The following CXCL16 variants were observed in gnomAD, a reference collection of about 807,000 sequenced individuals.
CXCL16 encodes C-X-C motif chemokine ligand 16.
In CXCL16, 18 loss-of-function variants were observed where a neutral mutation model predicts 23.8. That is an observed-to-expected ratio of 0.76 (90% CI 0.52 to 1.12). CXCL16 has a LOEUF of 1.12. Among genes scored for constraint, CXCL16 ranks in the 50% most tolerant of loss-of-function variants. The probability of loss-of-function intolerance (pLI) is 0.00; values close to 1 mark genes in which losing one functional copy is unlikely to be tolerated. For synonymous variants in CXCL16, 123 were observed against 132.5 expected, an observed-to-expected ratio of 0.93 and a Z score of 0.49; for missense variants, 297 against 315.4, an observed-to-expected ratio of 0.94 and a Z score of 0.44.
In CXCL16 at chr17:4,739,597, C is replaced by A. The variant is rs1916284164; in HGVS notation, c.-258G>T. The A allele has an allele frequency of 1.5e-6, 1 of 664,992 alleles. No individual in the cohort carries two copies. Among genetic ancestry groups the A allele is most frequent in the Non-Finnish European group, 2.4e-6 (1 of 418,292 alleles). The allele number at this position is 664,992 out of a possible 1,614,324, so 41.2% of individuals were successfully genotyped here. On this transcript the variant is annotated 5_prime_UTR_variant, in exon 1 of 6. Coordinates refer to ENST00000293778, the MANE Select transcript of CXCL16 (RefSeq NM_001386809.1). The surrounding 1 kb of genome is among the most constrained non-coding windows in gnomAD (Gnocchi z 5.3). The stretch of plus-strand genomic sequence containing the variant: ...AGGTGGAGCTCCCGCGCCCTGCGCC[C>A]CCGCACTGGGCCCGGCTCCGTCGAG...
In CXCL16 at chr17:4,738,017, C is replaced by G. The variant is rs1916210496; in HGVS notation, c.301+391G>C. 6.8e-6 allele frequency among the ~76,000 whole-genome samples: 1 copy of G among 147,682 alleles called. No individual in the cohort carries two copies. Among genetic ancestry groups the G allele is most frequent in the African/African-American group, 2.4e-5 (1 of 41,094 alleles). On this transcript the variant is annotated intron_variant, in intron 3 of 5. Coordinates refer to ENST00000293778, the MANE Select transcript of CXCL16 (RefSeq NM_001386809.1). This position sits in a 1 kb window ranked among gnomAD's most constrained non-coding sequence, Gnocchi z 4.0. Reference sequence around the variant, plus strand: ...TGGTGGTGCGCGCCTGTAATCCCAGCTACTCAGGAGGCTGAGGCAGGAGAA... The same window carrying G: ...TGGTGGTGCGCGCCTGTAATCCCAGGTACTCAGGAGGCTGAGGCAGGAGAA...
Position 4,739,094 on chromosome 17 carries a change from A to C in CXCL16, c.79+167T>G, listed in dbSNP as rs531966015. 4.2e-6 allele frequency: 5 copies of C among 1,186,160 alleles called. No individual in the cohort carries two copies. Among genetic ancestry groups the C allele is most frequent in the Admixed American group, 5.3e-5 (2 of 37,514 alleles). 73.5% of individuals were successfully genotyped at this position (1,186,160 alleles called of 1,614,324 possible). On this transcript the variant is annotated intron_variant, in intron 1 of 5. Coordinates refer to ENST00000293778, the MANE Select transcript of CXCL16 (RefSeq NM_001386809.1). This position sits in a 1 kb window ranked among gnomAD's most constrained non-coding sequence, Gnocchi z 5.3. The stretch of plus-strand genomic sequence containing the variant: ...CGACAACATCCATAATCCCGCCCGG[A>C]GCCAGGCGTCCCCGGGCCTCTGTCC...
In CXCL16 at chr17:4,735,245, G is replaced by T. The variant is rs755241615; in HGVS notation, c.565C>A (p.Gln189Lys). 6.2e-7 allele frequency: 1 copy of T among 1,614,140 alleles called. No individual in the cohort carries two copies. The highest frequency in any genetic ancestry group is 8.5e-7 in the Non-Finnish European group (1 of 1,180,002). ...CCAGCATTTTTTTCCGGCTGCTTCT[G>T]GTTCTCCCCAGCCTCAGGCCCAGCT... Reference protein sequence around the residue: ...LAAGPEAGENQKQPEKNAGPT... With the variant: ...LAAGPEAGENKKQPEKNAGPT... The change falls in exon 4 of 6, where the codon CAG (glutamine) becomes AAG (lysine). Residue 189 changes from glutamine to lysine, a missense_variant. Transcript: ENST00000293778.
Position 4,735,441 on chromosome 17 carries a change from A to G in CXCL16, c.369T>C (p.Ile123=). The G allele has an allele frequency of 6.6e-7, 1 of 1,520,184 alleles. No homozygotes were observed. Among genetic ancestry groups the G allele is most frequent in the Non-Finnish European group, 8.8e-7 (1 of 1,130,806 alleles). The allele number at this position is 1,520,184 out of a possible 1,614,324, so 94.2% of individuals were successfully genotyped here. A position where few individuals can be genotyped will look rare whatever the true frequency, so the allele number is the denominator to read the frequency against. ...QKHLLPTSPP[I]SQASEGASSD... is the part of the protein sequence containing the mutation. ...AAGATGCCCCCTCTGAGGCCTGAGA[A>G]ATTGGGGGGCTGGTAGGAAGTAAAT... Residue 123 remains isoleucine, a synonymous_variant, in exon 4 of 6, where the codon ATT becomes ATC. Coordinates refer to ENST00000293778, the MANE Select transcript of CXCL16 (RefSeq NM_001386809.1).
In CXCL16 at chr17:4,733,758, G is replaced by C. The variant is rs1014446640; in HGVS notation, c.*745C>G. Reference sequence around the variant, plus strand: ...GAGGATGCAGGAGAGGGCTGAGGTGGGGGAGGAACAACTGGTGTACTGGGA... The same window carrying C: ...GAGGATGCAGGAGAGGGCTGAGGTGCGGGAGGAACAACTGGTGTACTGGGA... On this transcript the variant is annotated 3_prime_UTR_variant, in exon 6 of 6. Transcript: ENST00000293778. 6.5e-6 allele frequency: 1 copy of C among 153,342 alleles called. No homozygotes were observed. The highest frequency in any genetic ancestry group is 1.5e-5 in the Non-Finnish European group (1 of 68,670). 9.5% of individuals were successfully genotyped at this position (153,342 alleles called of 1,614,324 possible). A position where few individuals can be genotyped will look rare whatever the true frequency, so the allele number is the denominator to read the frequency against.
intron 3 of CXCL16, among the ~76,000 whole-genome samples, chr17:4,737,382 A>T (rs1916184611): frequency 6.8e-6 from 1 of 146,374 alleles, no homozygotes; most frequent in Non-Finnish European, 1.5e-5. Context: ...GTTTGAGACC[A>T]GCCTGACCAA....
rs1450273385 is a variant in CXCL16, at chr17:4,739,378, C to CGCTCTGACTCCCAGACAT, written c.-57_-40dup. On this transcript the variant is annotated 5_prime_UTR_variant, in exon 1 of 6. It adds an upstream start codon to the 5' untranslated region. Coordinates refer to ENST00000293778, the MANE Select transcript of CXCL16 (RefSeq NM_001386809.1). This position sits in a 1 kb window ranked among gnomAD's most constrained non-coding sequence, Gnocchi z 5.3. ...GGACTCTGCGGGGATGGAGCCACCT[C>CGCTCTGACTCCCAGACAT]GCTCTGACTCCCAGACATGCTCCGG... 6.2e-7 allele frequency: 1 copy of CGCTCTGACTCCCAGACAT among 1,612,460 alleles called. No homozygotes were observed. The highest frequency in any genetic ancestry group is 8.5e-7 in the Non-Finnish European group (1 of 1,179,798).
Position 4,738,677 on chromosome 17 carries a change from C to G in CXCL16, c.218+105G>C. ...GAGCAAACGGAACCCGGAGATGGGG[C>G]TCGGTGAGCCGGGAAGGAGTTCAGG... On this transcript the variant is annotated intron_variant, in intron 2 of 5. Coordinates refer to ENST00000293778, the MANE Select transcript of CXCL16 (RefSeq NM_001386809.1). This position sits in a 1 kb window ranked among gnomAD's most constrained non-coding sequence, Gnocchi z 4.0. The G allele has an allele frequency of 7.9e-7, 1 of 1,262,718 alleles. No homozygotes were observed. The highest frequency in any genetic ancestry group is 1.4e-5 in the South Asian group (1 of 71,886). 78.2% of individuals were successfully genotyped at this position (1,262,718 alleles called of 1,614,324 possible).
chr17:4,739,218 C>T lies in CXCL16; in HGVS notation c.79+43G>A, dbSNP rs1433121924. ...TCCCCTCCCCAACTCACCCCCTTCC[C>T]GTGACAGGGGAATCTGGGTCCCCTG... On this transcript the variant is annotated intron_variant, in intron 1 of 5. Transcript: ENST00000293778. The surrounding 1 kb of genome is among the most constrained non-coding windows in gnomAD (Gnocchi z 5.3). The T allele has an allele frequency of 1.9e-6, 3 of 1,558,952 alleles. No individual in the cohort carries two copies. Among genetic ancestry groups the T allele is most frequent in the East Asian group, 4.8e-5 (2 of 41,968 alleles).
In CXCL16 at chr17:4,739,397, G is replaced by A. The variant is rs1244154919; in HGVS notation, c.-58C>T. 3.1e-6 allele frequency: 5 copies of A among 1,610,856 alleles called. No individual in the cohort carries two copies. The highest frequency in any genetic ancestry group is 4.2e-6 in the Non-Finnish European group (5 of 1,179,396). ...CCACCTCGCTCTGACTCCCAGACAT[G>A]CTCCGGCGCGTGACGTCCAGCTGGT... is the stretch of plus-strand genomic sequence containing the variant. On this transcript the variant is annotated 5_prime_UTR_variant, in exon 1 of 6. Transcript: ENST00000293778. The surrounding 1 kb of genome is among the most constrained non-coding windows in gnomAD (Gnocchi z 5.3).
rs774031676 is a variant in CXCL16, at chr17:4,738,929, G to A, written c.80-9C>T. ...GCCCTCGTTGCCATTGCCTGCGCGG[G>A]ACGGAGGTGGTCGGCACCCATTCCC... is the stretch of plus-strand genomic sequence containing the variant. On this transcript the variant is annotated splice_polypyrimidine_tract_variant and intron_variant, in intron 1 of 5. Transcript: ENST00000293778. The surrounding 1 kb of genome is among the most constrained non-coding windows in gnomAD (Gnocchi z 4.0). The A allele has an allele frequency of 1.4e-5, 23 of 1,612,848 alleles. No homozygotes were observed. Among genetic ancestry groups the A allele is most frequent in the Non-Finnish European group, 1.7e-6 (2 of 1,179,456 alleles).
In CXCL16 at chr17:4,739,430, T is replaced by G; in HGVS notation, c.-91A>C. 6.3e-7 allele frequency: 1 copy of G among 1,593,788 alleles called. No homozygotes were observed. Among genetic ancestry groups the G allele is most frequent in the Non-Finnish European group, 8.6e-7 (1 of 1,168,276 alleles). On this transcript the variant is annotated 5_prime_UTR_variant, in exon 1 of 6. Coordinates refer to ENST00000293778, the MANE Select transcript of CXCL16 (RefSeq NM_001386809.1). The surrounding 1 kb of genome is among the most constrained non-coding windows in gnomAD (Gnocchi z 5.3). ...GCGTGACGTCCAGCTGGTGTCTCAA[T>G]GGCTTTCGCCGGGGACCGGAGGAGA...
chr17:4,737,314 A>AT, intron 3 of CXCL16, among the ~76,000 whole-genome samples: 5 of 151,460 alleles, frequency 3.3e-5, no homozygotes, highest in Admixed American at 6.7e-5. Context: ...ACTGCGGTTC[A>AT]CACCTGTAAT....
rs1208950875 is a variant in CXCL16, at chr17:4,738,741, G to A, written c.218+41C>T. 1 of 1,605,642 alleles carries A rather than the reference G, an allele frequency of 6.2e-7. No homozygotes were observed. Among genetic ancestry groups the A allele is most frequent in the Non-Finnish European group, 8.5e-7 (1 of 1,174,332 alleles). ...GGTCCTGGAGGCACCTGCAAGGAGG[G>A]GCCGCCCAGGCGCTGCCCTCGCAGA... is the stretch of plus-strand genomic sequence containing the variant. On this transcript the variant is annotated intron_variant, in intron 2 of 5. Coordinates refer to ENST00000293778, the MANE Select transcript of CXCL16 (RefSeq NM_001386809.1). This position sits in a 1 kb window ranked among gnomAD's most constrained non-coding sequence, Gnocchi z 4.0.
chr17:4,736,022 AT>A (rs1916148671), intron 3 of CXCL16, among the ~76,000 whole-genome samples: 1 of 151,960 alleles, frequency 6.6e-6, no homozygotes. Context: ...GTGAGCCAAG[AT>A]TGCACAACTG....
rs746450113 is a variant in CXCL16, at chr17:4,735,277, C to T, written c.533G>A (p.Ser178Asn). 6.2e-7 allele frequency: 1 copy of T among 1,614,186 alleles called. No individual in the cohort carries two copies. Among genetic ancestry groups the T allele is most frequent in the South Asian group, 1.1e-5 (1 of 91,088 alleles). The change falls in exon 4 of 6, where the codon AGT (serine) becomes AAT (asparagine). Residue 178 changes from serine to asparagine, a missense_variant. Transcript: ENST00000293778. ...NETTIHTAGH[S>N]LAAGPEAGEN... ...CCCAGCCTCAGGCCCAGCTGCCAGA[C>T]TGTGGCCCGCAGTGTGAATGGTGGT...
At chr17:4,734,763 C>G in intron 4 of CXCL16, 111 bp from the exon 5 acceptor site, 1 of 933,280 alleles carries the variant, frequency 1.1e-6, no homozygotes, top group Non-Finnish European at 1.7e-6. Flanking sequence ...ATGACCTGGC[C>G]CACAGTAGGT....
Position 4,739,372 on chromosome 17 carries a change from C to T in CXCL16, c.-33G>A. Reference sequence around the variant, plus strand: ...CTCCGCGGACTCTGCGGGGATGGAGCCACCTCGCTCTGACTCCCAGACATG... The same window carrying T: ...CTCCGCGGACTCTGCGGGGATGGAGTCACCTCGCTCTGACTCCCAGACATG... On this transcript the variant is annotated 5_prime_UTR_variant, in exon 1 of 6. Transcript: ENST00000293778. The surrounding 1 kb of genome is among the most constrained non-coding windows in gnomAD (Gnocchi z 5.3). 1 of 1,612,690 alleles carries T rather than the reference C, an allele frequency of 6.2e-7. No individual in the cohort carries two copies. The highest frequency in any genetic ancestry group is 8.5e-7 in the Non-Finnish European group (1 of 1,179,790).
At position 4,734,397 on chromosome 17, in the gene CXCL16, A is replaced by G. The variant is rs772247443; in HGVS notation, c.*106T>C. On this transcript the variant is annotated 3_prime_UTR_variant, in exon 6 of 6. Coordinates refer to ENST00000293778, the MANE Select transcript of CXCL16 (RefSeq NM_001386809.1). The stretch of plus-strand genomic sequence containing the variant: ...CTGGATGTGGTAGGTGACGCCTATA[A>G]TCCTCGCACCTTCAGAGGCCAAGGT... The G allele has an allele frequency of 1.2e-5, 6 of 484,680 alleles. No homozygotes were observed. The highest frequency in any genetic ancestry group is 1.9e-5 in the Non-Finnish European group (5 of 263,624). The allele number at this position is 484,680 out of a possible 1,614,324, so 30.0% of individuals were successfully genotyped here. A position where few individuals can be genotyped will look rare whatever the true frequency, so the allele number is the denominator to read the frequency against.
Sources: allele counts gnomAD v4.1 joint callset (sites outside exome capture counted in the v4.1 genomes callset), GRCh38; gene constraint gnomAD v4.1.1; non-coding constraint Gnocchi (gnomAD v3.1); transcripts MANE v1.5; gene names NCBI Gene and HGNC (gene_info 2026-07-23, HGNC 2026-07-21).